Variants in SEPTIN4 observed in about 807,000 individuals in gnomAD.
The protein encoded by SEPTIN4 is septin-4.
A neutral mutation model predicts 107.1 loss-of-function variants in SEPTIN4; 52 were observed. That is an observed-to-expected ratio of 0.49 (90% CI 0.39 to 0.61). The LOEUF is 0.61. Among genes scored for constraint, SEPTIN4 ranks in the 20% least tolerant of loss-of-function variants. The probability of loss-of-function intolerance (pLI) is 0.00; values close to 1 mark genes in which losing one functional copy is unlikely to be tolerated. For synonymous variants in SEPTIN4, 417 were observed against 467.0 expected (o/e 0.89, Z 1.38); for missense variants, 1,048 against 1,243.5 (o/e 0.84, Z 2.36).
At chr17:58,531,855 C>T in intron 3 of SEPTIN4, 1 of 1,045,916 alleles carries the variant, frequency 9.6e-7, no homozygotes, top group East Asian at 5.9e-5. Flanking sequence ...CCACCCTGCA[C>T]AGCCGCGGCT....
chr17:58,534,559 A>T (rs2009948), intron 3 of SEPTIN4, among the ~76,000 whole-genome samples: 11 of 152,240 alleles, frequency 7.2e-5, no homozygotes, highest in African/African-American at 2.6e-4. Flanking sequence ...TGGCCTGGCC[A>T]ACTCTGCTTC....
rs1299654804 is a variant in SEPTIN4 at position 58,543,881 on chromosome 17, G to A, written c.306C>T (p.Pro102=). The part of the protein sequence containing the change: ...PRTESSRHSS[P]HLKSQKTQTL... Reference sequence around the variant, plus strand: ...TCTGAGTCTTCTGGCTCTTTAGATGGGGAGAGGAATGGCGGGATGATTCTG... The same window carrying A: ...TCTGAGTCTTCTGGCTCTTTAGATGAGGAGAGGAATGGCGGGATGATTCTG... The change falls in exon 1 of 14, where the codon CCC becomes CCT. Residue 102 remains proline, a synonymous_variant. Coordinates refer to ENST00000672673, the MANE Select transcript of SEPTIN4 (RefSeq NM_001368771.2). The A allele has an allele frequency of 6.2e-7, 1 of 1,614,150 alleles. No individual in the cohort carries two copies. Among genetic ancestry groups the A allele is most frequent in the South Asian group, 1.1e-5 (1 of 91,062 alleles).
intron 2 of SEPTIN4, 50 bp downstream of exon 2, chr17:58,541,871 TC>T: frequency 6.2e-7 from 1 of 1,614,076 alleles, no homozygotes; most frequent in Non-Finnish European, 8.5e-7. Flanking sequence ...TCACCTGTCC[TC>T]CCATCCCCCA....
At chr17:58,527,597 G>A in intron 3 of SEPTIN4, 1 of 179,440 alleles carries the variant, frequency 5.6e-6, no homozygotes, top group Non-Finnish European at 1.2e-5. Flanking sequence ...GCTCAGTATA[G>A]TTGATCCTAC....
Position 58,542,486 on chromosome 17 carries a change from G to T in SEPTIN4, c.1561+140C>A, listed in dbSNP as rs946306636. The T allele has an allele frequency of 2.5e-6, 3 of 1,192,406 alleles. No individual in the cohort carries two copies. The Admixed American group carries it at 7.5e-5, about 30-fold the overall frequency. 73.9% of individuals were successfully genotyped at this position (1,192,406 alleles called of 1,614,324 possible). On this transcript the variant is annotated intron_variant, in intron 1 of 13. Transcript: ENST00000672673. ...TGGCAGGGAAGGAATGGAGCAATAG[G>T]CTCAAGGATAGGACTAGCTTTGGCA...
intron 1 of SEPTIN4, 93 bp from the exon 2 acceptor site, chr17:58,542,059 T>C (rs2043893632): frequency 1.5e-5 from 22 of 1,452,718 alleles, no homozygotes; most frequent in Non-Finnish European, 2.1e-5. Context: ...AGCTCCACAT[T>C]TCTCCACTCA....
Position 58,524,822 on chromosome 17 carries a change from C to T in SEPTIN4, c.2216+256G>A, listed in dbSNP as rs567060651. 4.3e-5 allele frequency: 16 copies of T among 373,220 alleles called. No individual in the cohort carries two copies. The South Asian group carries it at 5.3e-4, about 12-fold the overall frequency. 23.1% of individuals were successfully genotyped at this position (373,220 alleles called of 1,614,324 possible). A position where few individuals can be genotyped will look rare whatever the true frequency, so the allele number is the denominator to read the frequency against. On this transcript the variant is annotated intron_variant, in intron 7 of 13. Coordinates refer to ENST00000672673, the MANE Select transcript of SEPTIN4 (RefSeq NM_001368771.2). Reference sequence around the variant, plus strand: ...GCCTCAAGTGATACTTCCGCCTCAGCCTCTTCTTTCTTATGTCCCTACCCC... The same window carrying T: ...GCCTCAAGTGATACTTCCGCCTCAGTCTCTTCTTTCTTATGTCCCTACCCC...
intron 3 of SEPTIN4, chr17:58,529,544 G>T: frequency 1.7e-6 from 1 of 600,986 alleles, no homozygotes; most frequent in Non-Finnish European, 2.1e-6. Flanking sequence ...TTGCAGCCAG[G>T]CTTTTGATCC....
chr17:58,542,516 C>T (rs1325206377), intron 1 of SEPTIN4, 110 bp downstream of exon 1: 6 of 1,418,398 alleles, frequency 4.2e-6, no homozygotes, highest in Non-Finnish European at 5.7e-6. Flanking sequence ...TTGGCACTGG[C>T]AGGAGAGCAG....
intron 3 of SEPTIN4, chr17:58,527,395 A>T (rs566820750): frequency 4.7e-5 from 17 of 359,392 alleles, no homozygotes; most frequent in African/African-American, 3.2e-4. Context: ...GAGGCATTAA[A>T]CCCAAAAGGA....
chr17:58,523,682 C>T (rs2042525172), intron 7 of SEPTIN4, among the ~76,000 whole-genome samples: 1 of 151,774 alleles, frequency 6.6e-6, no homozygotes, highest in African/African-American at 2.4e-5. Context: ...CACATTCTAG[C>T]TGATTTGATG....
chr17:58,543,594 T>A lies in SEPTIN4; in HGVS notation c.593A>T (p.Lys198Met). 6.2e-7 allele frequency: 1 copy of A among 1,614,196 alleles called. No homozygotes were observed. The highest frequency in any genetic ancestry group is 8.5e-7 in the Non-Finnish European group (1 of 1,180,032). ...GGGCTCAGTTTGTACTGCTTCATCC[T>A]TTGGGTAAGACAAAATCCTACGGGG... ...RVPRRILSYPKDEAVQTEPIQ... is the reference protein window; with the variant it reads ...RVPRRILSYPMDEAVQTEPIQ... Residue 198 changes from lysine to methionine, a missense_variant, in exon 1 of 14, where the codon AAG becomes ATG. Coordinates refer to ENST00000672673, the MANE Select transcript of SEPTIN4 (RefSeq NM_001368771.2).
Position 58,526,739 on chromosome 17 carries a change from G to C in SEPTIN4, c.1854C>G (p.Ser618Arg). The part of the protein sequence containing the change: ...QQYFCAPAPL[S>R]PSARPRSPWG... ...ATGGGCTGCGGGGCCTGGCAGATGG[G>C]CTGAGAGGGGCTGGGGCACAGAAGT... Residue 618 changes from serine (S) to arginine (R), a missense_variant, in exon 4 of 14, where the codon AGC (serine) becomes AGG (arginine). Physicochemically the swap from Ser to Arg is moderately radical, Grantham distance 110. Around this residue, in one of 2 missense-constraint regions of SEPTIN4, gnomAD observed 787 missense variants for 871.8 expected, o/e 0.90. Coordinates refer to ENST00000672673, the MANE Select transcript of SEPTIN4 (RefSeq NM_001368771.2). 1 of 1,611,612 alleles carries C rather than the reference G, an allele frequency of 6.2e-7. No homozygotes were observed. Among genetic ancestry groups the C allele is most frequent in the Middle Eastern group, 1.7e-4 (1 of 6,030 alleles).
intron 3 of SEPTIN4, chr17:58,530,760 G>C (rs1242817099): frequency 6.6e-6 from 1 of 152,532 alleles, no homozygotes; most frequent in Non-Finnish European, 1.5e-5. Context: ...GGGGAGAAGT[G>C]GGGGAAAGGA....
rs1387793393 is a variant in SEPTIN4, at chr17:58,521,347, T to C, written c.2575A>G (p.Ser859Gly). Residue 859 changes from serine to glycine, a missense_variant, in exon 11 of 14, where the codon AGC becomes GGC. Around this residue, in one of 2 missense-constraint regions of SEPTIN4, gnomAD observed 261 missense variants for 371.7 expected, o/e 0.70. Transcript: ENST00000672673. The surrounding 1 kb of genome is among the most constrained non-coding windows in gnomAD (Gnocchi z 6.4). The part of the protein sequence containing the change: ...FKLQDQALKE[S>G]IPFAVIGSNT... ...CTGCCAATTACTGCAAATGGGATGC[T>C]TTCCTGGAAGAGGTTAGGGGTGCCT... The C allele has an allele frequency of 4.3e-6, 7 of 1,614,004 alleles. No individual in the cohort carries two copies. Among genetic ancestry groups the C allele is most frequent in the Admixed American group, 3.3e-5 (2 of 60,004 alleles).
At position 58,542,673 on chromosome 17, in the gene SEPTIN4, T is replaced by C; in HGVS notation, c.1514A>G (p.Lys505Arg). 6.2e-7 allele frequency: 1 copy of C among 1,614,094 alleles called. No individual in the cohort carries two copies. Among genetic ancestry groups the C allele is most frequent in the African/African-American group, 1.3e-5 (1 of 75,036 alleles). ...TTGAATGGGTTGTTTGCAGGTGTGC[T>C]TGGGGGTCTGTGGCACTTCACTCAG... ...APLSEVPQTP[K>R]HTCKQPIQRF... The change falls in exon 1 of 14, where the codon AAG becomes AGG. Residue 505 changes from lysine (K) to arginine (R), a missense_variant. By Grantham distance (26) the Lys-to-Arg change is conservative. Transcript: ENST00000672673.
chr17:58,533,269 C>A (rs2043588019), intron 3 of SEPTIN4, among the ~76,000 whole-genome samples: 1 of 152,138 alleles, frequency 6.6e-6, no homozygotes, highest in African/African-American at 2.4e-5. Flanking sequence ...TGGAAGATGG[C>A]AGGGTGTTCA....
At position 58,531,868 on chromosome 17, in the gene SEPTIN4, G is replaced by T. The variant is rs538712823; in HGVS notation, c.1615-4890C>A. The T allele has an allele frequency of 7.0e-5, 75 of 1,076,668 alleles. No homozygotes were observed. In the East Asian group the frequency reaches 2.7e-3, roughly 39 times the overall value. 66.7% of individuals were successfully genotyped at this position (1,076,668 alleles called of 1,614,324 possible). On this transcript the variant is annotated intron_variant, in intron 3 of 13. Coordinates refer to ENST00000672673, the MANE Select transcript of SEPTIN4 (RefSeq NM_001368771.2). ...TCCCACCCTGCACAGCCGCGGCTGC[G>T]GTGCCGCGGGTCCCCTTGCAGCCGC...
intron 7 of SEPTIN4, among the ~76,000 whole-genome samples, chr17:58,522,656 A>C (rs1158224701): frequency 1.4e-5 from 2 of 142,602 alleles, no homozygotes; most frequent in Non-Finnish European, 3.0e-5. Flanking sequence ...GACTGTCACA[A>C]AAAAAAAAAA....
Sources: gnomAD v4.1 joint callset for allele counts (sites outside exome capture counted in the v4.1 genomes callset) on GRCh38, gnomAD v4.1.1 for gene constraint, gnomAD v4.1.1 regional missense constraint, Gnocchi (gnomAD v3.1) non-coding constraint, MANE v1.5 for transcripts, NCBI Gene and HGNC (gene_info 2026-07-23, HGNC 2026-07-21) for gene names.